The following SLC25A42 variants were observed in gnomAD, a reference collection of about 807,000 sequenced individuals.
The protein encoded by SLC25A42 is solute carrier family 25 member 42, also known as mitochondrial coenzyme A transporter SLC25A42.
In SLC25A42, 19 loss-of-function variants were observed where a neutral mutation model predicts 34.7. That is an observed-to-expected ratio of 0.55 (90% CI 0.38 to 0.80). The LOEUF (loss-of-function observed/expected upper bound fraction) is 0.80. Ranked by LOEUF, SLC25A42 falls within the 30% of genes least tolerant of loss-of-function variation. SLC25A42 has a pLI of 0.00. For missense variants in SLC25A42, 364 were observed against 441.3 expected (o/e 0.82, Z 1.57); for synonymous variants, 205 against 191.2 (o/e 1.07, Z -0.59).
At chr19:19,078,480 A>G (rs534844260) in intron 1 of SLC25A42, among the ~76,000 whole-genome samples, 1 of 152,010 alleles carries the variant, frequency 6.6e-6, no homozygotes, top group African/African-American at 2.4e-5. Context: ...CCCTCCTCCC[A>G]CATAGACTCT....
intron 1 of SLC25A42, 36 bp from the exon 2 acceptor site, chr19:19,096,055 C>G: frequency 1.5e-6 from 2 of 1,358,450 alleles, no homozygotes. Flanking sequence ...CTCTCAGGAT[C>G]TCGCCGTATC....
In SLC25A42 at chr19:19,110,752, A is replaced by C. The variant is rs2059859503; in HGVS notation, c.833A>C (p.Glu278Ala). 1.2e-6 allele frequency: 2 copies of C among 1,612,490 alleles called. No individual in the cohort carries two copies. The highest frequency in any genetic ancestry group is 3.3e-5 in the Admixed American group (2 of 59,930). ...ACGCTGCGCACCATCGTGCGGGAGG[A>C]GGGCGCCGTGCGCGGCCTCTACAAA... is the stretch of plus-strand genomic sequence containing the variant. ...ARTLRTIVRE[E>A]GAVRGLYKGL... Residue 278 changes from glutamate (E) to alanine (A), a missense_variant, in exon 8 of 8, where the codon GAG (glutamate) becomes GCG (alanine). Coordinates refer to ENST00000318596, the MANE Select transcript of SLC25A42 (RefSeq NM_178526.5).
At chr19:19,092,807 G>A (rs1235848393) in intron 1 of SLC25A42, among the ~76,000 whole-genome samples, 4 of 152,190 alleles carry the variant, frequency 2.6e-5, no homozygotes, top group African/African-American at 9.7e-5. Flanking sequence ...AGGCTGCGCC[G>A]TTCTCACCCA....
At chr19:19,071,478 T>A (rs2059629826) in intron 1 of SLC25A42, among the ~76,000 whole-genome samples, 1 of 152,136 alleles carries the variant, frequency 6.6e-6, no homozygotes, top group African/African-American at 2.4e-5. Flanking sequence ...GGTGCTACGG[T>A]CTGATCTTCA....
chr19:19,065,117 G>C (rs2059594642), intron 1 of SLC25A42, among the ~76,000 whole-genome samples: 1 of 152,100 alleles, frequency 6.6e-6, no homozygotes, highest in African/African-American at 2.4e-5. Flanking sequence ...TCGTGACTTT[G>C]ACTGGGTCCG....
At chr19:19,078,050 T>C (rs952140982) in intron 1 of SLC25A42, among the ~76,000 whole-genome samples, 4 of 152,326 alleles carry the variant, frequency 2.6e-5, no homozygotes, top group Middle Eastern at 3.4e-3. Context: ...CCCATTCTCC[T>C]ATGGGTGGTC....
chr19:19,090,674 C>A (rs2059733798), intron 1 of SLC25A42, among the ~76,000 whole-genome samples: 7 of 151,788 alleles, frequency 4.6e-5, no homozygotes, highest in Admixed American at 3.3e-4. Context: ...ACAACAACAA[C>A]AAAAAGCTTC....
chr19:19,110,578 G>A lies in SLC25A42; in HGVS notation c.659G>A (p.Gly220Asp). The A allele has an allele frequency of 7.0e-7, 1 of 1,434,202 alleles. No homozygotes were observed. The highest frequency in any genetic ancestry group is 9.1e-7 in the Non-Finnish European group (1 of 1,101,348). 88.8% of individuals were successfully genotyped at this position (1,434,202 alleles called of 1,614,324 possible). Residue 220 changes from glycine to aspartate, a missense_variant, in exon 8 of 8, where the codon GGC (glycine) becomes GAC (aspartate). Gly to Asp is a moderately conservative substitution (Grantham distance 94). Coordinates refer to ENST00000318596, the MANE Select transcript of SLC25A42 (RefSeq NM_178526.5). ...GCCCCTCGCCCTGCAGAGTACAGCG[G>A]CCGCCGGCAGCCCTACCCCTTCGAG... is the stretch of plus-strand genomic sequence containing the variant. ...TLKSLHREYS[G>D]RRQPYPFERM...
At chr19:19,096,537 C>G (rs1028583595) in intron 2 of SLC25A42, among the ~76,000 whole-genome samples, 4 of 152,144 alleles carry the variant, frequency 2.6e-5, no homozygotes, top group African/African-American at 9.7e-5. Flanking sequence ...GCCCAGCCAC[C>G]TGGTAAGAGG....
chr19:19,110,406 G>A (rs1441305771), intron 7 of SLC25A42, among the ~76,000 whole-genome samples, 163 bp from the exon 8 acceptor site: 2 of 152,220 alleles, frequency 1.3e-5, no homozygotes, highest in African/African-American at 4.8e-5. Flanking sequence ...AGGTGAGGCA[G>A]TGGGGCGTGT....
At chr19:19,095,800 G>T in intron 1 of SLC25A42, 2 of 424,450 alleles carry the variant, frequency 4.7e-6, no homozygotes, top group South Asian at 4.0e-5. Context: ...CCCACAACCC[G>T]CTGGTAGCTG....
chr19:19,065,784 T>TTTTATATATGTATATATACATACATATG (rs1295717180), intron 1 of SLC25A42, among the ~76,000 whole-genome samples: 1 of 152,258 alleles, frequency 6.6e-6, no homozygotes, highest in African/African-American at 2.4e-5. Context: ...TATATACATA[T>TTTTATATATGTATATATACATACATATG]TTTATATATA....
intron 1 of SLC25A42, among the ~76,000 whole-genome samples, chr19:19,073,854 G>A (rs1042692797): frequency 3.9e-5 from 6 of 152,058 alleles, no homozygotes; most frequent in African/African-American, 4.8e-5. Flanking sequence ...GATTAAAGGC[G>A]TGAGCCACTG....
rs934792665 is a variant in SLC25A42 at position 19,081,730 on chromosome 19, C to T, written c.-34-14361C>T. Among the ~76,000 whole-genome samples, 11 of 152,206 alleles carry T rather than the reference C, an allele frequency of 7.2e-5. No homozygotes were observed. Among genetic ancestry groups the T allele is most frequent in the African/African-American group, 2.7e-4 (11 of 41,444 alleles). On this transcript the variant is annotated intron_variant, in intron 1 of 7. Transcript: ENST00000318596. This position sits in a 1 kb window ranked among gnomAD's most constrained non-coding sequence, Gnocchi z 4.5. ...GCCACCTCCCTCCACTGCAGCCTAC[C>T]GTCCAGGCCCTACGCTGTCACCCGA... is the stretch of plus-strand genomic sequence containing the variant.
chr19:19,090,599 G>A (rs527578125), intron 1 of SLC25A42, among the ~76,000 whole-genome samples: 7 of 152,110 alleles, frequency 4.6e-5, no homozygotes, highest in African/African-American at 1.4e-4. Context: ...AGGCTGAGGC[G>A]GGAGGATCAC....
Position 19,110,969 on chromosome 19 carries a change from A to G in SLC25A42, c.*93A>G, listed in dbSNP as rs571547362. On this transcript the variant is annotated 3_prime_UTR_variant, in exon 8 of 8. Transcript: ENST00000318596. ...GGGGGGGTGCGCTTGATTCTACTTC[A>G]GGAGGCACATGGGGCGCTTTATGGA... The G allele has an allele frequency of 3.5e-6, 5 of 1,435,566 alleles. No individual in the cohort carries two copies. The East Asian group carries it at 9.5e-5, about 27-fold the overall frequency. 88.9% of individuals were successfully genotyped at this position (1,435,566 alleles called of 1,614,324 possible).
At chr19:19,066,975 C>T (rs990343616) in intron 1 of SLC25A42, among the ~76,000 whole-genome samples, 4 of 150,136 alleles carry the variant, frequency 2.7e-5, no homozygotes, top group Non-Finnish European at 4.4e-5. Context: ...TATAATCATG[C>T]CACTGCACTC....
intron 1 of SLC25A42, among the ~76,000 whole-genome samples, chr19:19,068,164 A>C (rs144541100): frequency 4.1e-4 from 61 of 150,216 alleles, no homozygotes; most frequent in Middle Eastern, 3.6e-3. Flanking sequence ...GACCAGCATG[A>C]CCAACATGGT....
intron 1 of SLC25A42, among the ~76,000 whole-genome samples, chr19:19,092,804 G>A (rs2059744701): frequency 1.3e-5 from 2 of 152,184 alleles, no homozygotes; most frequent in South Asian, 2.1e-4. Flanking sequence ...GAGAGGCTGC[G>A]CCGTTCTCAC....
Sources: gnomAD v4.1 joint callset for allele counts (sites outside exome capture counted in the v4.1 genomes callset) on GRCh38, gnomAD v4.1.1 for gene constraint, Gnocchi (gnomAD v3.1) non-coding constraint, MANE v1.5 for transcripts, NCBI Gene and HGNC (gene_info 2026-07-23, HGNC 2026-07-21) for gene names.